Variants in CENPP observed in about 807,000 individuals in gnomAD.
CENPP encodes centromere protein P.
CENPP carries 24 observed loss-of-function variants against 35.6 expected under a neutral mutation model. The ratio of observed to expected loss-of-function variants is 0.67; its 90% CI spans 0.49 to 0.95. The LOEUF is 0.95. Among genes scored for constraint, CENPP ranks in the 40% least tolerant of loss-of-function variants. The pLI is 0.00. For missense variants in CENPP, 332 were observed against 345.3 expected (o/e 0.96, Z 0.31); for synonymous variants, 120 against 125.5 (o/e 0.96, Z 0.29).
chr9:92,611,871 C>T lies in CENPP; in HGVS notation c.644+478C>T, dbSNP rs1851265161. 2.0e-5 allele frequency among the ~76,000 whole-genome samples: 3 copies of T among 152,338 alleles called. No homozygotes were observed. The South Asian group carries it at 6.2e-4, about 32-fold the overall frequency. ...GGCTGTGCATGTGTGGACATGTATC[C>T]ATCTGGGTGTGCTTTTATGACCTGT... On this transcript the variant is annotated intron_variant, in intron 6 of 7. Transcript: ENST00000375587.
chr9:92,427,398 G>GGT (rs1227035205), intron 5 of CENPP, among the ~76,000 whole-genome samples: 5 of 152,094 alleles, frequency 3.3e-5, no homozygotes, highest in Non-Finnish European at 7.4e-5. Context: ...CCTGACCTCA[G>GGT]GTGATCCGCC....
At chr9:92,525,464 T>G (rs1848334320) in intron 5 of CENPP, among the ~76,000 whole-genome samples, 1 of 152,182 alleles carries the variant, frequency 6.6e-6, no homozygotes, top group Non-Finnish European at 1.5e-5. Context: ...ACCATGATGG[T>G]CCCATAAAAT....
At chr9:92,409,014 A>G (rs891774679) in intron 5 of CENPP, among the ~76,000 whole-genome samples, 2 of 152,226 alleles carry the variant, frequency 1.3e-5, no homozygotes, top group African/African-American at 4.8e-5. Flanking sequence ...TAAAATTTAT[A>G]TGGAGAGAAT....
intron 5 of CENPP, among the ~76,000 whole-genome samples, chr9:92,458,270 G>A (rs1478068468): frequency 6.6e-6 from 1 of 152,106 alleles, no homozygotes; most frequent in Non-Finnish European, 1.5e-5. Flanking sequence ...TGGTAACAGT[G>A]AGATTTCTGG....
At chr9:92,540,423 G>GCA (rs1849290393) in intron 5 of CENPP, among the ~76,000 whole-genome samples, 1 of 142,622 alleles carries the variant, frequency 7.0e-6, no homozygotes, top group African/African-American at 2.8e-5. Flanking sequence ...GGACGACAGA[G>GCA]CGAGACTGTC....
chr9:92,421,900 G>A (rs1361842489), intron 5 of CENPP, among the ~76,000 whole-genome samples: 5 of 152,118 alleles, frequency 3.3e-5, no homozygotes, highest in Non-Finnish European at 7.3e-5. Context: ...GCCTTACGGA[G>A]ACAGGAAAGT....
intron 5 of CENPP, among the ~76,000 whole-genome samples, chr9:92,592,098 T>C (rs1850677675): frequency 6.6e-6 from 1 of 152,088 alleles, no homozygotes; most frequent in African/African-American, 2.4e-5. Flanking sequence ...CACATATACA[T>C]GTATAAATGT....
At chr9:92,572,584 G>A (rs551583199) in intron 5 of CENPP, among the ~76,000 whole-genome samples, 9 of 152,174 alleles carry the variant, frequency 5.9e-5, no homozygotes, top group African/African-American at 1.9e-4. Flanking sequence ...TGCTCTTCTC[G>A]AGGAGTATCT....
rs929014898 is a variant in CENPP, at chr9:92,593,708, T to C, written c.565-17606T>C. Among the ~76,000 whole-genome samples the C allele has an allele frequency of 6.6e-6, 1 of 152,246 alleles. No homozygotes were observed. Among genetic ancestry groups the C allele is most frequent in the African/African-American group, 2.4e-5 (1 of 41,476 alleles). ...TAGAGTTTGGCAGAGCTGGTTTATGTGGTCTGTGGCCAGACTACAAGGCGA... is the reference window on the plus strand; with the variant it reads ...TAGAGTTTGGCAGAGCTGGTTTATGCGGTCTGTGGCCAGACTACAAGGCGA... On this transcript the variant is annotated intron_variant, in intron 5 of 7. Coordinates refer to ENST00000375587, the MANE Select transcript of CENPP (RefSeq NM_001012267.3). The surrounding 1 kb of genome is among the most constrained non-coding windows in gnomAD (Gnocchi z 4.1).
intron 5 of CENPP, chr9:92,500,685 C>A (rs1330805991): frequency 6.4e-7 from 1 of 1,560,014 alleles, no homozygotes; most frequent in Non-Finnish European, 8.7e-7. Context: ...TATATTTTGC[C>A]AACCAAAATT....
intron 5 of CENPP, among the ~76,000 whole-genome samples, chr9:92,583,721 A>T (rs1157328558): frequency 6.6e-6 from 1 of 152,050 alleles, no homozygotes; most frequent in Non-Finnish European, 1.5e-5. Context: ...TGCTTTCAAA[A>T]TTTTCAAGCA....
chr9:92,327,597 T>C (rs138293065), intron 1 of CENPP, among the ~76,000 whole-genome samples: 4 of 152,288 alleles, frequency 2.6e-5, no homozygotes, highest in Non-Finnish European at 5.9e-5. Flanking sequence ...ACGTCAAAAG[T>C]TGAAGGAGGG....
chr9:92,605,209 G>A (rs760760560), intron 5 of CENPP, among the ~76,000 whole-genome samples: 16 of 152,084 alleles, frequency 1.1e-4, no homozygotes, highest in Non-Finnish European at 2.1e-4. Context: ...GGCTGGTCTC[G>A]AACTCCTGGC....
intron 5 of CENPP, among the ~76,000 whole-genome samples, chr9:92,450,850 T>A (rs1424711129): frequency 2.6e-5 from 4 of 152,240 alleles, no homozygotes; most frequent in African/African-American, 9.6e-5. Flanking sequence ...TGGTCAGTGA[T>A]GGTGAGCATT....
chr9:92,466,634 A>G (rs41278701), intron 5 of CENPP: 32,326 of 1,356,502 alleles, frequency 0.024, 509 homozygotes, highest in Non-Finnish European at 0.027. Flanking sequence ...AGTATTCTAC[A>G]GTGATTAGCC....
chr9:92,509,048 T>C (rs1367722775), intron 5 of CENPP, among the ~76,000 whole-genome samples: 1 of 151,668 alleles, frequency 6.6e-6, no homozygotes, highest in African/African-American at 2.4e-5. Flanking sequence ...GCCTCTTCTA[T>C]ACAGAGTCAC....
At chr9:92,416,991 T>C in intron 5 of CENPP, 2 of 1,614,032 alleles carry the variant, frequency 1.2e-6, no homozygotes, top group South Asian at 1.1e-5. Flanking sequence ...AGATCAAGCA[T>C]GGTCAAGTTT....
chr9:92,468,020 C>T lies in CENPP; in HGVS notation c.564+88161C>T, dbSNP rs976771872. Among the ~76,000 whole-genome samples the T allele has an allele frequency of 2.6e-5, 4 of 152,072 alleles. No individual in the cohort carries two copies. The East Asian group carries it at 5.8e-4, about 22-fold the overall frequency. ...TCTTGATTCCAAGAGGTAAATTTAG[C>T]AGGAATTATTACTCTCCTTTTAGTG... On this transcript the variant is annotated intron_variant, in intron 5 of 7. Transcript: ENST00000375587.
intron 4 of CENPP, among the ~76,000 whole-genome samples, chr9:92,352,505 G>GTATATATATATATATATATA (rs1554753078): frequency 1.8e-4 from 9 of 49,778 alleles, no homozygotes; most frequent in Admixed American, 2.4e-4. Flanking sequence ...GTGTGTGTGT[G>GTATATATATATATATATATA]TATACATATA....
Sources: allele counts gnomAD v4.1 joint callset (sites outside exome capture counted in the v4.1 genomes callset), GRCh38; gene constraint gnomAD v4.1.1; non-coding constraint Gnocchi (gnomAD v3.1); transcripts MANE v1.5; gene names NCBI Gene and HGNC (gene_info 2026-07-23, HGNC 2026-07-21).